CNBD1: variants seen among roughly 807,000 people sequenced by gnomAD.
The protein encoded by CNBD1 is cyclic nucleotide binding domain containing 1, also known as cyclic nucleotide-binding domain-containing protein 1.
Under a neutral mutation model 54.4 loss-of-function variants are expected in CNBD1, and 71 were observed. The ratio of observed to expected loss-of-function variants is 1.30; its 90% CI spans 1.08 to 1.59. The LOEUF (loss-of-function observed/expected upper bound fraction) is 1.59, where lower values mean the gene tolerates loss of function less well. Among genes scored for constraint, CNBD1 ranks in the 40% most tolerant of loss-of-function variants. The pLI, the probability that CNBD1 is intolerant of heterozygous loss-of-function variation, is 0.00. For missense variants in CNBD1, 659 were observed against 518.0 expected, an observed-to-expected ratio of 1.27 and a Z score of -2.64; for synonymous variants, 182 against 170.7, an observed-to-expected ratio of 1.07 and a Z score of -0.51.
intron 4 of CNBD1, among the ~76,000 whole-genome samples, chr8:87,009,187 T>A (rs1809164551): frequency 6.6e-6 from 1 of 152,156 alleles, no homozygotes; most frequent in Admixed American, 6.5e-5. Flanking sequence ...AAAATTATAA[T>A]AAGCTTAAAA....
intron 2 of CNBD1, among the ~76,000 whole-genome samples, chr8:87,416,360 C>A (rs1436769929): frequency 6.6e-6 from 1 of 152,002 alleles, no homozygotes; most frequent in Non-Finnish European, 1.5e-5. Context: ...TTAACCAAGG[C>A]TTGCAGGAAT....
At chr8:87,082,395 G>T (rs932959605) in intron 4 of CNBD1, among the ~76,000 whole-genome samples, 2 of 152,070 alleles carry the variant, frequency 1.3e-5, no homozygotes, top group African/African-American at 4.8e-5. Context: ...AAACAGCCTT[G>T]TTGCTCACAC....
At chr8:87,079,922 A>AT (rs1810954022) in intron 4 of CNBD1, among the ~76,000 whole-genome samples, 1 of 151,810 alleles carries the variant, frequency 6.6e-6, no homozygotes, top group Non-Finnish European at 1.5e-5. Flanking sequence ...GATTTTTCTC[A>AT]TTTTTTTCTT....
intron 8 of CNBD1, among the ~76,000 whole-genome samples, chr8:87,297,047 G>C (rs955678515): frequency 6.6e-6 from 1 of 150,978 alleles, no homozygotes; most frequent in African/African-American, 2.4e-5. Context: ...GCTTGGTGGC[G>C]GGTGCCTGTA....
intron 4 of CNBD1, among the ~76,000 whole-genome samples, chr8:86,951,321 G>C (rs1358141215): frequency 6.6e-6 from 1 of 151,860 alleles, no homozygotes; most frequent in Non-Finnish European, 1.5e-5. Flanking sequence ...GGGCACGGTG[G>C]CTCATGCTTG....
At chr8:87,150,256 T>A (rs1468104711) in intron 4 of CNBD1, among the ~76,000 whole-genome samples, 1 of 152,118 alleles carries the variant, frequency 6.6e-6, no homozygotes, top group Non-Finnish European at 1.5e-5. Flanking sequence ...AGGTATTTGA[T>A]TTAGAAAGCC....
intron 5 of CNBD1, among the ~76,000 whole-genome samples, chr8:87,218,813 T>C (rs1008311897): frequency 2.0e-5 from 3 of 152,152 alleles, no homozygotes; most frequent in South Asian, 2.1e-4. Context: ...TGAAAATATA[T>C]AGAATTTCAC....
At chr8:86,884,546 A>G (rs1372000055) in intron 1 of CNBD1, among the ~76,000 whole-genome samples, 1 of 152,200 alleles carries the variant, frequency 6.6e-6, no homozygotes, top group African/African-American at 2.4e-5. Flanking sequence ...TGACCTCACT[A>G]GATAGGTTTA....
chr8:87,322,052 T>G (rs1441559510), intron 8 of CNBD1, among the ~76,000 whole-genome samples: 7 of 131,324 alleles, frequency 5.3e-5, no homozygotes, highest in African/African-American at 1.8e-4. Context: ...GAATATGCGG[T>G]GTTTGGTTTT....
At chr8:87,049,736 G>C (rs895206289) in intron 4 of CNBD1, among the ~76,000 whole-genome samples, 6 of 152,214 alleles carry the variant, frequency 3.9e-5, no homozygotes, top group African/African-American at 1.4e-4. Flanking sequence ...AGATCCTCTA[G>C]CAGCAAGGTT....
chr8:87,341,001 C>G (rs1337777490), intron 8 of CNBD1, among the ~76,000 whole-genome samples: 3 of 152,022 alleles, frequency 2.0e-5, no homozygotes, highest in Non-Finnish European at 4.4e-5. Flanking sequence ...ATACAACTAT[C>G]TATCTCTTTA....
At chr8:87,061,438 C>A (rs1810544728) in intron 4 of CNBD1, among the ~76,000 whole-genome samples, 1 of 152,098 alleles carries the variant, frequency 6.6e-6, no homozygotes, top group African/African-American at 2.4e-5. Context: ...TACTTTTTTC[C>A]TTCTGAATTT....
At chr8:87,348,362 C>G (rs1256348856) in intron 8 of CNBD1, among the ~76,000 whole-genome samples, 2 of 152,194 alleles carry the variant, frequency 1.3e-5, no homozygotes, top group Admixed American at 6.5e-5. Flanking sequence ...TTGGTATGGA[C>G]TGTTACAGAG....
rs566176709 is a variant in CNBD1, at chr8:87,133,454, A to G, written c.432-72539A>G. Among the ~76,000 whole-genome samples, 316 of 152,346 alleles carry G rather than the reference A, an allele frequency of 2.1e-3. 4 individuals carry two copies. Among genetic ancestry groups the G allele is most frequent in the African/African-American group, 7.5e-3 (310 of 41,588 alleles). On this transcript the variant is annotated intron_variant, in intron 4 of 10. Coordinates refer to ENST00000518476, the MANE Select transcript of CNBD1 (RefSeq NM_173538.3). ...TCTGATTGGTGTTTTAGCCTTAGCT[A>G]TGTGTATCAGTCAGTTTGAGCTGCT... is the stretch of plus-strand genomic sequence containing the variant.
intron 4 of CNBD1, among the ~76,000 whole-genome samples, chr8:87,118,928 G>A (rs1010448414): frequency 6.6e-6 from 1 of 152,086 alleles, no homozygotes; most frequent in Admixed American, 6.5e-5. Context: ...AAAGCCTCAG[G>A]CATAGGCTTA....
At chr8:86,906,635 G>C (rs538849083) in intron 3 of CNBD1, among the ~76,000 whole-genome samples, 3 of 152,180 alleles carry the variant, frequency 2.0e-5, no homozygotes, top group Admixed American at 1.3e-4. Context: ...AAAGAGACCT[G>C]TAAATGTAGC....
At chr8:87,304,687 A>T (rs1809104435) in intron 8 of CNBD1, among the ~76,000 whole-genome samples, 1 of 152,158 alleles carries the variant, frequency 6.6e-6, no homozygotes, top group Admixed American at 6.6e-5. Flanking sequence ...TAGATGCAGA[A>T]AAAGCATTCA....
chr8:87,017,926 G>A (rs2130571474), intron 4 of CNBD1, among the ~76,000 whole-genome samples: 1 of 152,210 alleles, frequency 6.6e-6, no homozygotes, highest in African/African-American at 2.4e-5. Context: ...CTATTTTTAG[G>A]TAAAGTTTCA....
chr8:87,160,481 T>G (rs989118854), intron 4 of CNBD1, among the ~76,000 whole-genome samples: 1 of 152,024 alleles, frequency 6.6e-6, no homozygotes, highest in Admixed American at 6.6e-5. Context: ...CAGAGTAGCA[T>G]TTGACATAAA....
Sources: allele counts gnomAD v4.1 joint callset (sites outside exome capture counted in the v4.1 genomes callset), GRCh38; gene constraint gnomAD v4.1.1; transcripts MANE v1.5; gene names NCBI Gene and HGNC (gene_info 2026-07-23, HGNC 2026-07-21).